LYPD6: variants seen among roughly 807,000 people sequenced by gnomAD.
The protein encoded by LYPD6 is ly6/PLAUR domain-containing protein 6.
Under a neutral mutation model 22.7 loss-of-function variants are expected in LYPD6, and 15 were observed. The ratio of observed to expected loss-of-function variants is 0.66; its 90% CI spans 0.44 to 1.02. The LOEUF (loss-of-function observed/expected upper bound fraction) is 1.02. LYPD6 is among the 50% of genes least tolerant of loss of function. LYPD6 has a pLI of 0.00. For missense variants in LYPD6, 189 were observed against 208.4 expected (o/e 0.91, Z 0.57); for synonymous variants, 72 against 77.5 (o/e 0.93, Z 0.37).
intron 3 of LYPD6, among the ~76,000 whole-genome samples, chr2:149,456,520 C>T (rs1680961905): frequency 1.3e-5 from 2 of 152,116 alleles, no homozygotes; most frequent in Admixed American, 6.6e-5. Context: ...ACCTTTAGTA[C>T]CTCAGAATGA....
intron 3 of LYPD6, among the ~76,000 whole-genome samples, chr2:149,463,369 T>C (rs1681128354): frequency 6.6e-6 from 1 of 151,976 alleles, no homozygotes; most frequent in African/African-American, 2.4e-5. Context: ...AAATAAAGAA[T>C]AAGAAAAATG....
At chr2:149,484,178 G>A in the LYPD6 span, among the ~76,000 whole-genome samples, 3 of 152,182 alleles carry the variant, frequency 2.0e-5, no homozygotes, top group Admixed American at 2.0e-4. Context: ...AACTGATTTA[G>A]GTTGAAGTTT....
At chr2:149,445,169 A>AT (rs1683659436) in intron 2 of LYPD6, among the ~76,000 whole-genome samples, 1 of 151,990 alleles carries the variant, frequency 6.6e-6, no homozygotes, top group African/African-American at 2.4e-5. Context: ...TGAAAGAAAT[A>AT]TTTTTTTTCT....
chr2:149,394,922 C>T (rs570841639), intron 1 of LYPD6, among the ~76,000 whole-genome samples: 31 of 152,208 alleles, frequency 2.0e-4, no homozygotes, highest in African/African-American at 5.8e-4. Context: ...GCCCAGGATC[C>T]ATTATTCACA....
At position 149,408,889 on chromosome 2, in the gene LYPD6, T is replaced by C. The variant is rs190982106; in HGVS notation, c.-71-28749T>C. ...CTCCTTGATTAGCTTAATAGTCGAC[T>C]TTCTGAATTCTTTTTCTGGTAATTC... On this transcript the variant is annotated intron_variant, in intron 1 of 4. Coordinates refer to ENST00000334166, the MANE Select transcript of LYPD6 (RefSeq NM_194317.5). Among the ~76,000 whole-genome samples, 123 of 152,382 alleles carry C rather than the reference T, an allele frequency of 8.1e-4. 1 individual carries two copies. The Middle Eastern group carries it at 0.02, about 25-fold the overall frequency.
chr2:149,396,332 T>G (rs554476841), intron 1 of LYPD6, among the ~76,000 whole-genome samples: 1 of 152,196 alleles, frequency 6.6e-6, no homozygotes, highest in East Asian at 1.9e-4. Context: ...TTATATTTTG[T>G]GGAAAGTCAC....
chr2:149,421,547 A>G (rs1272128822), intron 1 of LYPD6, among the ~76,000 whole-genome samples: 1 of 152,146 alleles, frequency 6.6e-6, no homozygotes, highest in Non-Finnish European at 1.5e-5. Flanking sequence ...AGGTTGAGCC[A>G]TATGAAGTTG....
At chr2:149,479,933 A>T in the LYPD6 span, among the ~76,000 whole-genome samples, 17 of 152,176 alleles carry the variant, frequency 1.1e-4, no homozygotes, top group Non-Finnish European at 1.8e-4. Flanking sequence ...TGCACTGGCC[A>T]CATAGCCTTC....
At chr2:149,403,049 A>G (rs1041991647) in intron 1 of LYPD6, among the ~76,000 whole-genome samples, 8 of 152,144 alleles carry the variant, frequency 5.3e-5, no homozygotes, top group African/African-American at 1.9e-4. Context: ...GTCCCTACAA[A>G]GGACATGAAC....
At chr2:149,361,491 T>C (rs951902611) in intron 1 of LYPD6, among the ~76,000 whole-genome samples, 19 of 152,204 alleles carry the variant, frequency 1.2e-4, no homozygotes, top group African/African-American at 3.9e-4. Flanking sequence ...CGTATTCTGG[T>C]CTCTTAAATA....
intron 1 of LYPD6, among the ~76,000 whole-genome samples, chr2:149,408,203 A>T (rs560548162): frequency 1.3e-5 from 2 of 152,220 alleles, no homozygotes; most frequent in South Asian, 2.1e-4. Context: ...CCACTTGAGG[A>T]GGCAGTCTGC....
chr2:149,460,877 A>C (rs1226278456), intron 3 of LYPD6, among the ~76,000 whole-genome samples: 1 of 152,100 alleles, frequency 6.6e-6, no homozygotes, highest in Admixed American at 6.6e-5. Context: ...TGCACATCTA[A>C]ATAATCCACA....
intron 1 of LYPD6, among the ~76,000 whole-genome samples, chr2:149,361,514 T>C (rs1180428413): frequency 6.6e-6 from 1 of 152,204 alleles, no homozygotes; most frequent in Non-Finnish European, 1.5e-5. Flanking sequence ...CATCACTTTC[T>C]TTGAGTCCTC....
At chr2:149,436,366 A>T (rs1683430868) in intron 1 of LYPD6, among the ~76,000 whole-genome samples, 1 of 152,250 alleles carries the variant, frequency 6.6e-6, no homozygotes, top group South Asian at 2.1e-4. Flanking sequence ...GTAGTAGAAC[A>T]TGAGGAATAA....
chr2:149,353,748 A>G (rs772606191), intron 1 of LYPD6, among the ~76,000 whole-genome samples: 39 of 152,112 alleles, frequency 2.6e-4, no homozygotes, highest in Admixed American at 1.4e-3. Context: ...AACTTGGCTC[A>G]TAACAACATA....
intron 1 of LYPD6, among the ~76,000 whole-genome samples, chr2:149,392,160 G>A (rs1682325386): frequency 6.6e-6 from 1 of 151,966 alleles, no homozygotes. Context: ...TCCTATATAG[G>A]GCACTAATCT....
At chr2:149,461,606 A>G (rs960853379) in intron 3 of LYPD6, among the ~76,000 whole-genome samples, 1 of 152,014 alleles carries the variant, frequency 6.6e-6, no homozygotes, top group African/African-American at 2.4e-5. Context: ...AACAAATACA[A>G]AATTCCAATC....
chr2:149,468,409 G>C (rs1370363972), intron 3 of LYPD6, among the ~76,000 whole-genome samples: 2 of 152,140 alleles, frequency 1.3e-5, no homozygotes, highest in Non-Finnish European at 2.9e-5. Context: ...TTGTGTCTTG[G>C]TTTATGGGAA....
In LYPD6 at chr2:149,449,113, C is replaced by G. The variant is rs1173173445; in HGVS notation, c.183C>G (p.Cys61Trp). The change falls in exon 3 of 5, where the codon TGC becomes TGG. Residue 61 changes from cysteine to tryptophan, a missense_variant. Cys to Trp is a radical substitution (Grantham distance 215). Coordinates refer to ENST00000334166, the MANE Select transcript of LYPD6 (RefSeq NM_194317.5). ...AAAAGGCAGCAGACAATTATGAGTG[C>G]AACCGATGGGCTCCAGACATCTACT... is the stretch of plus-strand genomic sequence containing the variant. The part of the protein sequence containing the change: ...TCEKAADNYE[C>W]NRWAPDIYCP... 6.2e-7 allele frequency: 1 copy of G among 1,613,292 alleles called. No homozygotes were observed. Among genetic ancestry groups the G allele is most frequent in the South Asian group, 1.1e-5 (1 of 90,922 alleles).
Sources: gnomAD v4.1 joint callset for allele counts (sites outside exome capture counted in the v4.1 genomes callset) on GRCh38, gnomAD v4.1.1 for gene constraint, MANE v1.5 for transcripts, NCBI Gene and HGNC (gene_info 2026-07-23, HGNC 2026-07-21) for gene names.